The following NLGN1 variants were observed in gnomAD, a reference collection of about 807,000 sequenced individuals.
NLGN1 encodes the protein neuroligin 1, also known as neuroligin-1.
A neutral mutation model predicts 65.5 loss-of-function variants in NLGN1; 12 were observed. That is an observed-to-expected ratio of 0.18 (90% CI 0.12 to 0.30). The LOEUF is 0.30. Among genes scored for constraint, NLGN1 ranks in the 10% least tolerant of loss-of-function variants. NLGN1 has a pLI of 1.00. For missense variants in NLGN1, 750 were observed against 1,007.1 expected (o/e 0.74, Z 3.46); for synonymous variants, 350 against 359.5 (o/e 0.97, Z 0.30).
intron 4 of NLGN1, among the ~76,000 whole-genome samples, chr3:174,255,844 A>G (rs2152849913): frequency 6.6e-6 from 1 of 151,984 alleles, no homozygotes; most frequent in Admixed American, 6.6e-5. Context: ...GTTTTTATAT[A>G]GACGATGTTT....
intron 4 of NLGN1, among the ~76,000 whole-genome samples, chr3:174,027,117 A>C (rs909910129): frequency 6.6e-6 from 1 of 152,024 alleles, no homozygotes; most frequent in Non-Finnish European, 1.5e-5. Context: ...AAAAATAGAA[A>C]TCCATCTTCA....
chr3:174,200,045 CT>C (rs1434470441), intron 4 of NLGN1, among the ~76,000 whole-genome samples: 1 of 152,140 alleles, frequency 6.6e-6, no homozygotes, highest in Non-Finnish European at 1.5e-5. Context: ...TTCATAGCTC[CT>C]CGTGTGATCA....
intron 4 of NLGN1, among the ~76,000 whole-genome samples, chr3:174,274,784 T>A (rs926665449): frequency 4.0e-5 from 6 of 151,860 alleles, no homozygotes; most frequent in Non-Finnish European, 8.8e-5. Context: ...TTCATATATA[T>A]GCAGAGTTCT....
chr3:173,821,281 T>C (rs926270008), intron 4 of NLGN1, among the ~76,000 whole-genome samples: 14 of 152,330 alleles, frequency 9.2e-5, no homozygotes, highest in African/African-American at 2.9e-4. Context: ...CCATCTTTAC[T>C]GGAGAAGTCA....
chr3:173,544,726 A>G (rs766197208), intron 2 of NLGN1, among the ~76,000 whole-genome samples: 1 of 152,172 alleles, frequency 6.6e-6, no homozygotes, highest in African/African-American at 2.4e-5. Flanking sequence ...AATTTTCAGT[A>G]CATAGGTGGC....
chr3:174,087,549 C>T (rs1487432773), intron 4 of NLGN1, among the ~76,000 whole-genome samples: 1 of 152,096 alleles, frequency 6.6e-6, no homozygotes, highest in East Asian at 1.9e-4. Context: ...CTACCAAATA[C>T]GTCCCGTACT....
chr3:174,188,996 A>G (rs1342541459), intron 4 of NLGN1, among the ~76,000 whole-genome samples: 1 of 152,034 alleles, frequency 6.6e-6, no homozygotes, highest in African/African-American at 2.4e-5. Flanking sequence ...ATGTACTTAC[A>G]CTTAACATTA....
intron 3 of NLGN1, among the ~76,000 whole-genome samples, chr3:173,614,786 A>G (rs923841895): frequency 6.6e-6 from 1 of 152,058 alleles, no homozygotes; most frequent in Admixed American, 6.6e-5. Flanking sequence ...ACCACCTACA[A>G]TGGAAAGATT....
intron 4 of NLGN1, among the ~76,000 whole-genome samples, chr3:174,007,104 C>CT (rs1724584915): frequency 6.6e-6 from 1 of 151,948 alleles, no homozygotes; most frequent in African/African-American, 2.4e-5. Flanking sequence ...TTCAGACACA[C>CT]AGAGAGACAC....
chr3:173,956,455 GA>G (rs1176567929), intron 4 of NLGN1, among the ~76,000 whole-genome samples: 2 of 151,652 alleles, frequency 1.3e-5, no homozygotes, highest in East Asian at 1.9e-4. Flanking sequence ...GTTATTCTGG[GA>G]AAAAATATTA....
At chr3:173,831,434 G>A (rs1324400693) in intron 4 of NLGN1, among the ~76,000 whole-genome samples, 3 of 152,206 alleles carry the variant, frequency 2.0e-5, no homozygotes, top group Non-Finnish European at 4.4e-5. Flanking sequence ...ACAAATGCCT[G>A]CCCATATACA....
intron 4 of NLGN1, among the ~76,000 whole-genome samples, chr3:173,886,788 T>A (rs1417197978): frequency 6.6e-6 from 1 of 152,012 alleles, no homozygotes; most frequent in African/African-American, 2.4e-5. Flanking sequence ...GGAGGTATAA[T>A]AAGTGCATGA....
intron 2 of NLGN1, among the ~76,000 whole-genome samples, chr3:173,554,589 A>G (rs1312550129): frequency 6.6e-6 from 1 of 152,218 alleles, no homozygotes; most frequent in Non-Finnish European, 1.5e-5. Flanking sequence ...CTGGATTTGA[A>G]AGATTCACCC....
At chr3:173,741,787 T>G (rs1358682257) in intron 3 of NLGN1, among the ~76,000 whole-genome samples, 1 of 152,164 alleles carries the variant, frequency 6.6e-6, no homozygotes, top group East Asian at 1.9e-4. Flanking sequence ...GCCACTGTGC[T>G]CAACCATGCT....
downstream of NLGN1, among the ~76,000 whole-genome samples, chr3:174,289,112 G>A (rs1752447277): frequency 6.6e-6 from 1 of 151,268 alleles, no homozygotes. Flanking sequence ...GCAGAATCAG[G>A]TTGAGGATAA....
intron 4 of NLGN1, among the ~76,000 whole-genome samples, chr3:173,832,663 G>A (rs1722836665): frequency 6.6e-6 from 1 of 152,140 alleles, no homozygotes; most frequent in African/African-American, 2.4e-5. Flanking sequence ...ACTTAGGAAA[G>A]TATGAAAATT....
chr3:173,513,121 A>G (rs1371718360), intron 2 of NLGN1, among the ~76,000 whole-genome samples: 1 of 152,174 alleles, frequency 6.6e-6, no homozygotes, highest in African/African-American at 2.4e-5. Context: ...ACATTGGCAC[A>G]TTAGGTTCTG....
At chr3:173,881,089 CTTTTTTT>C (rs928288845) in intron 4 of NLGN1, among the ~76,000 whole-genome samples, 232 of 108,220 alleles carry the variant, frequency 2.1e-3, no homozygotes, top group African/African-American at 7.8e-3. Flanking sequence ...AGGCTCCCTC[CTTTTTTT>C]TTTTTTTTTT....
At chr3:174,181,462 A>T (rs1458910758) in intron 4 of NLGN1, among the ~76,000 whole-genome samples, 2 of 152,206 alleles carry the variant, frequency 1.3e-5, no homozygotes, top group Non-Finnish European at 2.9e-5. Context: ...CACAGCACTT[A>T]CTTCATGCTC....
Sources: allele counts gnomAD v4.1 joint callset (sites outside exome capture counted in the v4.1 genomes callset), GRCh38; gene constraint gnomAD v4.1.1; transcripts MANE v1.5; gene names NCBI Gene and HGNC (gene_info 2026-07-23, HGNC 2026-07-21).